The following IL1RAPL1 variants were observed in gnomAD, a reference collection of about 807,000 sequenced individuals.
IL1RAPL1 encodes interleukin 1 receptor accessory protein like 1, also known as interleukin-1 receptor accessory protein-like 1.
In IL1RAPL1, 3 loss-of-function variants were observed where a neutral mutation model predicts 48.4. The observed-to-expected ratio is 0.06, with a 90% CI of 0.03 to 0.16. IL1RAPL1 has a LOEUF of 0.16. Ranked by LOEUF, IL1RAPL1 falls within the 10% of genes least tolerant of loss-of-function variation. The pLI is 1.00. For synonymous variants in IL1RAPL1, 185 were observed against 187.7 expected (o/e 0.99, Z 0.12); for missense variants, 349 against 530.6 (o/e 0.66, Z 3.36).
At position 29,769,610 on chromosome X, in the gene IL1RAPL1, A is replaced by ATT. The variant is rs146650137; in HGVS notation, c.778+101129_778+101130dup. Among the ~76,000 whole-genome samples, 303 of 43,058 alleles carry ATT rather than the reference A, an allele frequency of 7.0e-3. 6 individuals carry two copies. Among genetic ancestry groups the ATT allele is most frequent in the African/African-American group, 0.029 (244 of 8,275 alleles). The allele number at this position is 43,058 out of a possible 115,157, so 37.4% of individuals were successfully genotyped here. A position where few individuals can be genotyped will look rare whatever the true frequency, so the allele number is the denominator to read the frequency against. On this transcript the variant is annotated intron_variant, in intron 6 of 10. Transcript: ENST00000378993. Reference sequence around the variant, plus strand: ...AGGCGCCCGCCACCATGCCTGGCTAATTTTTTTTTTTTTTTTTTTTTTTTG... The same window carrying ATT: ...AGGCGCCCGCCACCATGCCTGGCTAATTTTTTTTTTTTTTTTTTTTTTTTTTG...
chrX:28,813,647 A>G (rs1438296655), intron 2 of IL1RAPL1, among the ~76,000 whole-genome samples: 2 of 111,050 alleles, frequency 1.8e-5, no homozygotes, highest in African/African-American at 6.5e-5. Flanking sequence ...GTCTTCAGCT[A>G]TAATAGTGGA....
chrX:29,308,228 G>T (rs1161924177), intron 3 of IL1RAPL1, among the ~76,000 whole-genome samples: 1 of 111,612 alleles, frequency 9.0e-6, no homozygotes, highest in Admixed American at 9.5e-5. Flanking sequence ...CTTGGTGTTG[G>T]CTTTATTCTT....
intron 2 of IL1RAPL1, among the ~76,000 whole-genome samples, chrX:28,894,694 T>C (rs1304391666): frequency 1.8e-5 from 2 of 110,663 alleles, no homozygotes; most frequent in African/African-American, 6.6e-5. Flanking sequence ...ATTAAAGCAG[T>C]GGCAGCCGCT....
chrX:29,947,774 G>T (rs1249186982), intron 9 of IL1RAPL1, among the ~76,000 whole-genome samples: 4 of 105,067 alleles, frequency 3.8e-5, no homozygotes, highest in Non-Finnish European at 5.9e-5. Context: ...TTTTGGTGGG[G>T]GGGTGGGTGG....
chrX:28,620,253 C>T (rs938256059), intron 1 of IL1RAPL1, among the ~76,000 whole-genome samples: 1 of 111,801 alleles, frequency 8.9e-6, no homozygotes, highest in African/African-American at 3.2e-5. Context: ...AGAAATAAAT[C>T]TAAGAACATA....
At chrX:29,616,324 C>CT (rs57186880) in intron 5 of IL1RAPL1, among the ~76,000 whole-genome samples, 28 of 102,420 alleles carry the variant, frequency 2.7e-4, no homozygotes, top group South Asian at 4.6e-4. Flanking sequence ...AGGAGGGATT[C>CT]TTTTTTTTTT....
At chrX:29,643,858 A>G (rs187570907) in intron 5 of IL1RAPL1, among the ~76,000 whole-genome samples, 39 of 112,147 alleles carry the variant, frequency 3.5e-4, no homozygotes, top group African/African-American at 1.3e-3. Flanking sequence ...ATTAGTATTA[A>G]TGTACACTAG....
At chrX:29,551,886 G>A (rs1171430209) in intron 5 of IL1RAPL1, among the ~76,000 whole-genome samples, 1 of 103,034 alleles carries the variant, frequency 9.7e-6, no homozygotes, top group Admixed American at 1.1e-4. Context: ...ACCCACCAAA[G>A]AAGAAAACAG....
At chrX:29,694,682 G>A (rs759640823) in intron 6 of IL1RAPL1, among the ~76,000 whole-genome samples, 1 of 111,464 alleles carries the variant, frequency 9.0e-6, no homozygotes, top group South Asian at 3.8e-4. Context: ...TAAGGTAGAA[G>A]GAATGAGGGA....
At chrX:29,607,336 A>G (rs144979986) in intron 5 of IL1RAPL1, among the ~76,000 whole-genome samples, 5 of 111,951 alleles carry the variant, frequency 4.5e-5, no homozygotes, top group Admixed American at 9.5e-5. Flanking sequence ...CTAGTAAGTC[A>G]TGACACACTG....
intron 1 of IL1RAPL1, among the ~76,000 whole-genome samples, chrX:28,768,755 C>CTCTCTCTCTCTCTCTCTA (rs1364972830): frequency 5.7e-5 from 2 of 34,890 alleles, no homozygotes; most frequent in Non-Finnish European, 9.5e-5. Flanking sequence ...CTCTCTCTCT[C>CTCTCTCTCTCTCTCTCTA]TATATATATA....
chrX:28,855,028 G>C (rs958654004), intron 2 of IL1RAPL1, among the ~76,000 whole-genome samples: 1 of 91,402 alleles, frequency 1.1e-5, no homozygotes, highest in Non-Finnish European at 2.4e-5. Flanking sequence ...TTGTTTATTT[G>C]TTTGTTTTTG....
intron 5 of IL1RAPL1, among the ~76,000 whole-genome samples, chrX:29,608,412 G>T (rs762629636): frequency 9.2e-5 from 10 of 109,281 alleles, no homozygotes; most frequent in African/African-American, 3.0e-4. Context: ...AGGAAGGAAG[G>T]ATGGGAGAAA....
Position 29,168,691 on chromosome X carries a change from ACAATTGTATATATATATTCATATG to A in IL1RAPL1, c.83-114246_83-114223del, listed in dbSNP as rs1569250892. 6.6e-3 allele frequency among the ~76,000 whole-genome samples: 566 copies of A among 85,280 alleles called. 4 individuals carry two copies. The highest frequency in any genetic ancestry group is 0.011 in the Non-Finnish European group (465 of 43,698). The allele number at this position is 85,280 out of a possible 115,157, so 74.1% of individuals were successfully genotyped here. On this transcript the variant is annotated intron_variant, in intron 2 of 10. Coordinates refer to ENST00000378993, the MANE Select transcript of IL1RAPL1 (RefSeq NM_014271.4). ...ATATATTGTATATATATTCATATGT[ACAATTGTATATATATATTCATATG>A]TACAATTGTATATATATATTCATAT...
intron 6 of IL1RAPL1, among the ~76,000 whole-genome samples, chrX:29,865,915 G>T (rs1263970544): frequency 9.2e-6 from 1 of 108,789 alleles, no homozygotes; most frequent in African/African-American, 3.4e-5. Context: ...CTCCCAAAGT[G>T]CTGGGATTAC....
intron 5 of IL1RAPL1, among the ~76,000 whole-genome samples, chrX:29,447,876 G>A (rs1480164890): frequency 8.9e-6 from 1 of 112,060 alleles, no homozygotes; most frequent in East Asian, 2.8e-4. Context: ...AGAATACCTA[G>A]CATGTACTTG....
In IL1RAPL1 at chrX:29,786,868, C is replaced by A. The variant is rs977198451; in HGVS notation, c.778+118364C>A. 2.7e-5 allele frequency among the ~76,000 whole-genome samples: 3 copies of A among 111,055 alleles called. No homozygotes were observed. In the Admixed American group the frequency reaches 2.9e-4, roughly 11 times the overall value. ...GTGAAACAGACAAATCGAGGAGATCCATGGGTCTTGCCTGAGATTCTTGCC... is the reference window on the plus strand; with the variant it reads ...GTGAAACAGACAAATCGAGGAGATCAATGGGTCTTGCCTGAGATTCTTGCC... On this transcript the variant is annotated intron_variant, in intron 6 of 10. Coordinates refer to ENST00000378993, the MANE Select transcript of IL1RAPL1 (RefSeq NM_014271.4).
chrX:28,682,311 TTTG>T (rs1191037079), intron 1 of IL1RAPL1, among the ~76,000 whole-genome samples: 3 of 110,926 alleles, frequency 2.7e-5, no homozygotes, highest in African/African-American at 9.9e-5. Context: ...TGTTTGTTTT[TTTG>T]TTTTTTGTTT....
At chrX:28,817,934 AC>A (rs1422215176) in intron 2 of IL1RAPL1, among the ~76,000 whole-genome samples, 9 of 111,069 alleles carry the variant, frequency 8.1e-5, no homozygotes, top group African/African-American at 2.9e-4. Flanking sequence ...GTAAATGGTG[AC>A]AGGATTGTGA....
Sources: allele counts gnomAD v4.1 joint callset (sites outside exome capture counted in the v4.1 genomes callset), GRCh38; gene constraint gnomAD v4.1.1; transcripts MANE v1.5; gene names NCBI Gene and HGNC (gene_info 2026-07-23, HGNC 2026-07-21).